The following SLX9 variants were observed in gnomAD, a reference collection of about 807,000 sequenced individuals.
The protein encoded by SLX9 is SLX9 ribosome biogenesis factor.
SLX9 carries 19 observed loss-of-function variants against 20.8 expected under a neutral mutation model. The ratio of observed to expected loss-of-function variants is 0.91; its 90% CI spans 0.64 to 1.34. SLX9 has a LOEUF of 1.34. Among genes scored for constraint, SLX9 ranks in the 40% most tolerant of loss-of-function variants. SLX9 has a pLI of 0.00. For missense variants in SLX9, 299 were observed against 322.2 expected, an observed-to-expected ratio of 0.93 and a Z score of 0.55; for synonymous variants, 113 against 137.1, an observed-to-expected ratio of 0.82 and a Z score of 1.23.
At chr21:44,955,930 G>A (rs566352210) in intron 2 of SLX9, among the ~76,000 whole-genome samples, 28 of 152,346 alleles carry the variant, frequency 1.8e-4, no homozygotes, top group African/African-American at 3.1e-4. Context: ...TGCAGACACC[G>A]CCGGGAGCAG....
At chr21:44,962,820 A>AC (rs1250254026) in intron 3 of SLX9, among the ~76,000 whole-genome samples, 1 of 152,034 alleles carries the variant, frequency 6.6e-6, no homozygotes, top group Non-Finnish European at 1.5e-5. Context: ...AGCTTTGCCA[A>AC]CACATGGCCT....
At chr21:44,974,673 C>T (rs899811875) in intron 5 of SLX9, among the ~76,000 whole-genome samples, 2 of 152,230 alleles carry the variant, frequency 1.3e-5, no homozygotes, top group African/African-American at 4.8e-5. Flanking sequence ...TGCAGCGATC[C>T]TCCTGCCTCG....
At chr21:44,947,978 A>G (rs2084674661) in intron 2 of SLX9, among the ~76,000 whole-genome samples, 1 of 152,190 alleles carries the variant, frequency 6.6e-6, no homozygotes, top group South Asian at 2.1e-4. Flanking sequence ...AGCCGGGGTG[A>G]GCACCCGTCT....
At chr21:44,961,565 T>G (rs1229458221) in intron 3 of SLX9, among the ~76,000 whole-genome samples, 5 of 152,224 alleles carry the variant, frequency 3.3e-5, no homozygotes, top group Non-Finnish European at 2.9e-5. Flanking sequence ...CCAGCCTGGG[T>G]GACAGAGTGG....
At chr21:44,967,447 CAT>C (rs1184485631) in intron 4 of SLX9, among the ~76,000 whole-genome samples, 1 of 152,176 alleles carries the variant, frequency 6.6e-6, no homozygotes, top group Non-Finnish European at 1.5e-5. Flanking sequence ...CGAGCTCCCT[CAT>C]GTGCCCCTCC....
At chr21:44,949,697 G>C (rs1445786656) in intron 2 of SLX9, among the ~76,000 whole-genome samples, 1 of 152,196 alleles carries the variant, frequency 6.6e-6, no homozygotes, top group Non-Finnish European at 1.5e-5. Context: ...GAACACGTCT[G>C]CGTCTGCAGG....
At chr21:44,963,322 TCGTGATC>T (rs955105718) in intron 3 of SLX9, among the ~76,000 whole-genome samples, 12 of 152,076 alleles carry the variant, frequency 7.9e-5, no homozygotes, top group African/African-American at 2.9e-4. Context: ...TCTCTTGACC[TCGTGATC>T]CGCCCGCCTT....
chr21:44,939,776 C>A, upstream of SLX9: 1 of 545,830 alleles, frequency 1.8e-6, no homozygotes, highest in Non-Finnish European at 3.4e-6. Flanking sequence ...CGACCTTGGA[C>A]GCAACCCCGG....
At chr21:44,945,520 A>G (rs1200094242) in intron 2 of SLX9, among the ~76,000 whole-genome samples, 1 of 152,020 alleles carries the variant, frequency 6.6e-6, no homozygotes, top group Non-Finnish European at 1.5e-5. Flanking sequence ...CACCTGCTGC[A>G]CTGACTGTCA....
chr21:44,973,090 T>C, intron 4 of SLX9, 107 bp from the exon 5 acceptor site: 4 of 1,202,624 alleles, frequency 3.3e-6, no homozygotes, highest in Non-Finnish European at 4.7e-6. Flanking sequence ...TGGTCACCTC[T>C]GGCCACCACG....
intron 4 of SLX9, chr21:44,969,176 G>T (rs923559414): frequency 1.3e-5 from 6 of 470,686 alleles, no homozygotes; most frequent in Admixed American, 4.7e-5. Flanking sequence ...GCCCAGGCTC[G>T]AGGGTGGCAG....
In SLX9 at chr21:44,943,684, G is replaced by C; in HGVS notation, c.130G>C (p.Asp44His). ...CGTCCGTTTTTGTTGGGGACATTAG[G>C]ACTGGGCGTTCATCAACACCAACAT... Reference protein sequence around the residue: ...TPPPASAAGKDWAFINTNIFA... With the variant: ...TPPPASAAGKHWAFINTNIFA... The change falls in exon 2 of 6, where the codon GAC (aspartate) becomes CAC (histidine). Residue 44 changes from aspartate (D) to histidine (H), a missense_variant and splice_region_variant. By Grantham distance (81) the Asp-to-His change is moderately conservative. Coordinates refer to ENST00000291634, the MANE Select transcript of SLX9 (RefSeq NM_058190.4). The C allele has an allele frequency of 6.2e-7, 1 of 1,613,994 alleles. No homozygotes were observed. Among genetic ancestry groups the C allele is most frequent in the Non-Finnish European group, 8.5e-7 (1 of 1,179,906 alleles).
chr21:44,947,495 A>AGT (rs2084664902), intron 2 of SLX9, among the ~76,000 whole-genome samples: 2 of 149,946 alleles, frequency 1.3e-5, no homozygotes. Flanking sequence ...AGCCCTGGGA[A>AGT]GTGGTGGGGC....
chr21:44,940,652 G>A (rs56199687), intron 1 of SLX9, among the ~76,000 whole-genome samples: 64,230 of 150,836 alleles, frequency 0.43, 15,039 homozygotes, highest in African/African-American at 0.62. Flanking sequence ...CTGCATGTGA[G>A]TGGAATTATT....
At chr21:44,957,243 C>CG (rs2084875184) in intron 2 of SLX9, among the ~76,000 whole-genome samples, 2 of 152,200 alleles carry the variant, frequency 1.3e-5, no homozygotes, top group Admixed American at 1.3e-4. Context: ...AGGGCTGAGG[C>CG]GGGGTCTTCC....
At chr21:44,948,308 G>T (rs535055991) in intron 2 of SLX9, among the ~76,000 whole-genome samples, 1 of 136,874 alleles carries the variant, frequency 7.3e-6, no homozygotes, top group African/African-American at 3.1e-5. Flanking sequence ...CGGGCGGTCC[G>T]GGGAGCTGGT....
At chr21:44,959,541 A>C (rs1322834735) in intron 2 of SLX9, among the ~76,000 whole-genome samples, 1 of 152,120 alleles carries the variant, frequency 6.6e-6, no homozygotes, top group Non-Finnish European at 1.5e-5. Context: ...GACCAAGCAC[A>C]GGGGCACCTG....
intron 2 of SLX9, among the ~76,000 whole-genome samples, chr21:44,946,626 G>C (rs2084647254): frequency 6.6e-6 from 1 of 152,246 alleles, no homozygotes; most frequent in Non-Finnish European, 1.5e-5. Flanking sequence ...GGTTGTCCCT[G>C]AGGTGTGTTC....
intron 2 of SLX9, among the ~76,000 whole-genome samples, chr21:44,955,517 CCTTT>C (rs1280227285): frequency 6.6e-6 from 1 of 152,164 alleles, no homozygotes; most frequent in African/African-American, 2.4e-5. Context: ...TCTGTCTGCT[CCTTT>C]CTTTTTTTTT....
Sources: allele counts gnomAD v4.1 joint callset (sites outside exome capture counted in the v4.1 genomes callset), GRCh38; gene constraint gnomAD v4.1.1; transcripts MANE v1.5; gene names NCBI Gene and HGNC (gene_info 2026-07-23, HGNC 2026-07-21).